The following ANO4 variants were observed in gnomAD, a reference collection of about 807,000 sequenced individuals.
ANO4 encodes anoctamin 4.
A neutral mutation model predicts 141.9 loss-of-function variants in ANO4; 69 were observed. That is an observed-to-expected ratio of 0.49 (90% CI 0.40 to 0.59). ANO4 has a LOEUF of 0.59. Among genes scored for constraint, ANO4 ranks in the 20% least tolerant of loss-of-function variants. The pLI is 0.00. For synonymous variants in ANO4, 350 were observed against 394.3 expected, an observed-to-expected ratio of 0.89 and a Z score of 1.33; for missense variants, 894 against 1,162.2, an observed-to-expected ratio of 0.77 and a Z score of 3.36.
chr12:101,008,947 T>C (rs1409428165), intron 8 of ANO4, among the ~76,000 whole-genome samples: 1 of 152,194 alleles, frequency 6.6e-6, no homozygotes, highest in Admixed American at 6.5e-5. Context: ...TTCTGTTTCC[T>C]GTGTATCATT....
chr12:101,123,280 A>G (rs2051168186), intron 26 of ANO4, among the ~76,000 whole-genome samples: 1 of 152,098 alleles, frequency 6.6e-6, no homozygotes, highest in Non-Finnish European at 1.5e-5. Context: ...CTGTCTTAAA[A>G]TTTTTCAGAC....
chr12:101,034,198 C>A (rs2047100100), intron 9 of ANO4, among the ~76,000 whole-genome samples: 1 of 152,134 alleles, frequency 6.6e-6, no homozygotes, highest in Non-Finnish European at 1.5e-5. Flanking sequence ...CATATGTTTA[C>A]TGCAGCACTG....
At chr12:100,878,355 A>G (rs2039413929) in intron 1 of ANO4, among the ~76,000 whole-genome samples, 1 of 152,310 alleles carries the variant, frequency 6.6e-6, no homozygotes, top group South Asian at 2.1e-4. Flanking sequence ...GTTGTGTCCA[A>G]CACAGGGTGG....
chr12:100,979,797 G>C (rs150322042), intron 7 of ANO4, among the ~76,000 whole-genome samples: 3 of 151,622 alleles, frequency 2.0e-5, no homozygotes, highest in East Asian at 1.9e-4. Flanking sequence ...GCACGATCTC[G>C]GCTCACTGCA....
chr12:100,730,785 A>G (rs1007639080), intron 1 of ANO4, among the ~76,000 whole-genome samples: 1 of 152,188 alleles, frequency 6.6e-6, no homozygotes, highest in Non-Finnish European at 1.5e-5. Flanking sequence ...TTAGGGAAAG[A>G]GTTGGCCACA....
intron 24 of ANO4, among the ~76,000 whole-genome samples, chr12:101,112,351 C>T (rs373721001): frequency 3.9e-5 from 6 of 152,216 alleles, no homozygotes; most frequent in Admixed American, 6.5e-5. Flanking sequence ...AGCCAGGGCA[C>T]GCTATATATG....
intron 5 of ANO4, among the ~76,000 whole-genome samples, chr12:100,967,209 A>G (rs2043709224): frequency 6.6e-6 from 1 of 152,032 alleles, no homozygotes; most frequent in African/African-American, 2.4e-5. Context: ...TCTCTCCCCA[A>G]GGTTTTATTC....
At position 100,819,055 on chromosome 12, in the gene ANO4, A is replaced by G. The variant is rs1350936217; in HGVS notation, c.-141+24028A>G. Among the ~76,000 whole-genome samples, 5 of 149,408 alleles carry G rather than the reference A, an allele frequency of 3.3e-5. 1 individual carries two copies. Among genetic ancestry groups the G allele is most frequent in the Admixed American group, 2.7e-4 (4 of 14,896 alleles). ...TGTGTGTATATATATATGTGTATAT[A>G]TATATGTATGTGTGTATATATATAT... On this transcript the variant is annotated intron_variant, in intron 1 of 27. Coordinates refer to ENST00000392977, the MANE Select transcript of ANO4 (RefSeq NM_001286615.2).
At chr12:100,893,253 T>TC (rs1170053921) in intron 1 of ANO4, among the ~76,000 whole-genome samples, 2 of 152,016 alleles carry the variant, frequency 1.3e-5, no homozygotes, top group South Asian at 4.2e-4. Flanking sequence ...TTTTTTTTTT[T>TC]CATGAACTCA....
chr12:100,962,493 G>T (rs2043468052), intron 5 of ANO4, among the ~76,000 whole-genome samples: 3 of 152,320 alleles, frequency 2.0e-5, no homozygotes, highest in African/African-American at 7.2e-5. Flanking sequence ...AGTCTCTGTG[G>T]GTCAGGAGTC....
In ANO4 at chr12:100,958,839, C is replaced by T. The variant is rs571327414; in HGVS notation, c.457-12467C>T. Among the ~76,000 whole-genome samples the T allele has an allele frequency of 4.5e-4, 69 of 151,810 alleles. 1 individual carries two copies. The highest frequency in any genetic ancestry group is 9.1e-4 in the Non-Finnish European group (62 of 67,968). ...ATCCAGCCTGGGCAACAAGTGAGAA[C>T]CTGTCTCAAAAAAACAAACAAACAA... On this transcript the variant is annotated intron_variant, in intron 5 of 27. Transcript: ENST00000392977.
chr12:101,116,441 A>G (rs2050854289), intron 24 of ANO4, among the ~76,000 whole-genome samples: 1 of 152,204 alleles, frequency 6.6e-6, no homozygotes, highest in Non-Finnish European at 1.5e-5. Context: ...TAATTGGGGT[A>G]GAGATGTTCT....
intron 1 of ANO4, among the ~76,000 whole-genome samples, chr12:100,810,836 T>C (rs1386619797): frequency 1.3e-5 from 2 of 152,238 alleles, no homozygotes; most frequent in East Asian, 3.9e-4. Context: ...TAGGTCAATA[T>C]GATGAGTACA....
At chr12:100,982,623 C>T (rs770204156) in intron 7 of ANO4, among the ~76,000 whole-genome samples, 6 of 152,184 alleles carry the variant, frequency 3.9e-5, no homozygotes, top group Non-Finnish European at 8.8e-5. Flanking sequence ...ATTGTGTAAG[C>T]ACTTGATATC....
chr12:100,840,026 G>A (rs536707245), intron 1 of ANO4, among the ~76,000 whole-genome samples: 1 of 152,154 alleles, frequency 6.6e-6, no homozygotes, highest in African/African-American at 2.4e-5. Context: ...AGATGCTGCT[G>A]AGGCTGTGGC....
Position 101,096,661 on chromosome 12 carries a change from C to T in ANO4, c.1850+14C>T, listed in dbSNP as rs1422251946. ...CTTCCTCGGAAGGTAAGAACCTGAC[C>T]CCTGCACACCTCCCCAAGCTGAGGA... On this transcript the variant is annotated intron_variant, in intron 19 of 27. Coordinates refer to ENST00000392977, the MANE Select transcript of ANO4 (RefSeq NM_001286615.2). The T allele has an allele frequency of 6.3e-7, 1 of 1,581,902 alleles. No homozygotes were observed. Among genetic ancestry groups the T allele is most frequent in the Non-Finnish European group, 8.7e-7 (1 of 1,151,398 alleles).
At chr12:100,836,291 C>T (rs963259145) in intron 1 of ANO4, among the ~76,000 whole-genome samples, 2 of 152,032 alleles carry the variant, frequency 1.3e-5, no homozygotes, top group Non-Finnish European at 2.9e-5. Flanking sequence ...GTGTCTGCCA[C>T]TGTACTAGGC....
intron 2 of ANO4, among the ~76,000 whole-genome samples, chr12:100,739,098 GTA>G (rs36026163): frequency 0.23 from 34,120 of 145,296 alleles, 4,305 homozygotes; most frequent in East Asian, 0.47. Flanking sequence ...TATATAATTT[GTA>G]TATATATAAA....
At chr12:101,075,648 TAC>T (rs1294367414) in intron 14 of ANO4, among the ~76,000 whole-genome samples, 26 of 147,056 alleles carry the variant, frequency 1.8e-4, no homozygotes, top group Middle Eastern at 3.8e-3. Flanking sequence ...TATATATATA[TAC>T]ACACACACAC....
Sources: gnomAD v4.1 joint callset for allele counts (sites outside exome capture counted in the v4.1 genomes callset) on GRCh38, gnomAD v4.1.1 for gene constraint, MANE v1.5 for transcripts, NCBI Gene and HGNC (gene_info 2026-07-23, HGNC 2026-07-21) for gene names.